The following OXR1 variants were observed in gnomAD, a reference collection of about 807,000 sequenced individuals.
OXR1 encodes oxidation resistance 1, also known as oxidation resistance protein 1.
In OXR1, 41 loss-of-function variants were observed where a neutral mutation model predicts 104.6. That is an observed-to-expected ratio of 0.39 (90% confidence interval 0.31 to 0.51). OXR1 has a LOEUF of 0.51. OXR1 is among the 20% of genes least tolerant of loss of function. The pLI, the probability that OXR1 is intolerant of heterozygous loss-of-function variation, is 0.77. For missense variants in OXR1, 955 were observed against 1,031.9 expected, an observed-to-expected ratio of 0.93 and a Z score of 1.02; for synonymous variants, 348 against 348.4, an observed-to-expected ratio of 1.00 and a Z score of 0.01.
chr8:106,540,502 A>G (rs1160842752), intron 3 of OXR1, among the ~76,000 whole-genome samples: 2 of 152,196 alleles, frequency 1.3e-5, no homozygotes, highest in Non-Finnish European at 2.9e-5. Context: ...CAACGTTACA[A>G]TCAACTTGTT....
At chr8:106,682,768 A>G (rs1828306762) in intron 4 of OXR1, among the ~76,000 whole-genome samples, 1 of 152,204 alleles carries the variant, frequency 6.6e-6, no homozygotes, top group Non-Finnish European at 1.5e-5. Context: ...TTATATGTGC[A>G]ATGACAGAAT....
At chr8:106,323,082 A>C (rs889400010) in intron 1 of OXR1, among the ~76,000 whole-genome samples, 3 of 152,214 alleles carry the variant, frequency 2.0e-5, no homozygotes, top group Non-Finnish European at 4.4e-5. Flanking sequence ...TCAATAGCCA[A>C]GGCAATCCTA....
chr8:106,613,701 T>C (rs969752870), intron 3 of OXR1, among the ~76,000 whole-genome samples: 1 of 152,224 alleles, frequency 6.6e-6, no homozygotes, highest in Non-Finnish European at 1.5e-5. Context: ...GCCCAGCCTG[T>C]TATGTCCTAT....
intron 2 of OXR1, among the ~76,000 whole-genome samples, chr8:106,381,008 G>A (rs533425405): frequency 1.2e-4 from 19 of 152,054 alleles, no homozygotes; most frequent in Non-Finnish European, 2.5e-4. Flanking sequence ...GCATTAGTAC[G>A]ACAATTCAAC....
chr8:106,725,141 TG>T (rs1833203694), intron 11 of OXR1, among the ~76,000 whole-genome samples: 2 of 151,700 alleles, frequency 1.3e-5, no homozygotes, highest in South Asian at 4.2e-4. Context: ...GTAAATGTAG[TG>T]GGGCTGAATG....
At chr8:106,731,774 T>C (rs1024860446) in intron 11 of OXR1, among the ~76,000 whole-genome samples, 1 of 152,232 alleles carries the variant, frequency 6.6e-6, no homozygotes, top group African/African-American at 2.4e-5. Context: ...AAAACCATGA[T>C]GTATTGATTA....
At chr8:106,702,708 A>AT (rs1830692959) in intron 7 of OXR1, among the ~76,000 whole-genome samples, 198 bp from the exon 8 acceptor site, 2 of 152,172 alleles carry the variant, frequency 1.3e-5, no homozygotes, top group South Asian at 4.1e-4. Flanking sequence ...GAAATATGAT[A>AT]TTCTACCTCT....
At chr8:106,306,610 G>C (rs1813475062) in intron 1 of OXR1, among the ~76,000 whole-genome samples, 1 of 152,098 alleles carries the variant, frequency 6.6e-6, no homozygotes, top group Admixed American at 6.6e-5. Context: ...ATGGTGTACT[G>C]TTATACACAA....
chr8:106,326,602 A>C (rs996768254), intron 1 of OXR1, among the ~76,000 whole-genome samples: 1 of 152,208 alleles, frequency 6.6e-6, no homozygotes, highest in African/African-American at 2.4e-5. Flanking sequence ...TTGTCAAGGG[A>C]GGACTTCTTG....
intron 3 of OXR1, among the ~76,000 whole-genome samples, chr8:106,658,506 T>C (rs546114591): frequency 6.6e-6 from 1 of 152,266 alleles, no homozygotes; most frequent in South Asian, 2.1e-4. Context: ...CACTGGGAGG[T>C]GAAGACTGAA....
At chr8:106,296,151 G>A (rs1812985947) in intron 1 of OXR1, among the ~76,000 whole-genome samples, 1 of 152,106 alleles carries the variant, frequency 6.6e-6, no homozygotes, top group Non-Finnish European at 1.5e-5. Context: ...GCAGTTCTTC[G>A]AGTCTCATGG....
At chr8:106,523,920 GC>G (rs1213524170) in intron 3 of OXR1, among the ~76,000 whole-genome samples, 5 of 151,860 alleles carry the variant, frequency 3.3e-5, no homozygotes, top group Non-Finnish European at 7.4e-5. Context: ...GACTACAGGC[GC>G]CCACCACCAT....
intron 2 of OXR1, among the ~76,000 whole-genome samples, chr8:106,472,440 A>G (rs1381548087): frequency 6.6e-6 from 1 of 151,820 alleles, no homozygotes; most frequent in African/African-American, 2.4e-5. Context: ...AGGAAATACA[A>G]GGAAATATAT....
chr8:106,315,954 A>G (rs903973854), intron 1 of OXR1, among the ~76,000 whole-genome samples: 1 of 152,228 alleles, frequency 6.6e-6, no homozygotes, highest in African/African-American at 2.4e-5. Context: ...AATAATCATG[A>G]AATGTATTTC....
rs78615002 is a variant in OXR1, at chr8:106,277,088, G to T, written c.-139+6721G>T. Among the ~76,000 whole-genome samples, 266 of 152,224 alleles carry T rather than the reference G, an allele frequency of 1.7e-3. 6 individuals are homozygous for T. The East Asian group carries it at 0.042, about 24-fold the overall frequency. ...TTCAATAAAAATCTGAAAACCTGTT[G>T]TATGTTGTTCATTGTAAAATAAATA... On this transcript the variant is annotated intron_variant, in intron 1 of 16. Coordinates refer to ENST00000517566, the MANE Select transcript of OXR1 (RefSeq NM_001198533.2).
At chr8:106,607,884 G>C (rs1193275896) in intron 3 of OXR1, among the ~76,000 whole-genome samples, 1 of 151,614 alleles carries the variant, frequency 6.6e-6, no homozygotes, top group African/African-American at 2.4e-5. Flanking sequence ...AACCTACACA[G>C]TATGTAGCAA....
At chr8:106,369,357 C>G (rs1816612537) in intron 2 of OXR1, among the ~76,000 whole-genome samples, 1 of 152,126 alleles carries the variant, frequency 6.6e-6, no homozygotes, top group African/African-American at 2.4e-5. Flanking sequence ...TACCTGTTCA[C>G]TTTGATGACA....
chr8:106,301,990 CAA>C (rs756861556), intron 1 of OXR1, among the ~76,000 whole-genome samples: 6 of 152,030 alleles, frequency 3.9e-5, no homozygotes, highest in Non-Finnish European at 7.4e-5. Context: ...CAGATAAAAA[CAA>C]AAGTCAATTT....
At chr8:106,550,095 G>A (rs930727358) in intron 3 of OXR1, among the ~76,000 whole-genome samples, 10 of 152,156 alleles carry the variant, frequency 6.6e-5, no homozygotes, top group African/African-American at 2.2e-4. Context: ...AACGTGGCTT[G>A]AAGAGCTTAA....
Sources: allele counts gnomAD v4.1 joint callset (sites outside exome capture counted in the v4.1 genomes callset), GRCh38; gene constraint gnomAD v4.1.1; transcripts MANE v1.5; gene names NCBI Gene and HGNC (gene_info 2026-07-23, HGNC 2026-07-21).